The following ZHX1 variants were observed in gnomAD, a reference collection of about 807,000 sequenced individuals.
ZHX1 encodes zinc fingers and homeoboxes 1.
In ZHX1, 20 loss-of-function variants were observed where a neutral mutation model predicts 61.8. The observed-to-expected ratio is 0.32, with a 90% CI of 0.23 to 0.47. The LOEUF is 0.47. Ranked by LOEUF, ZHX1 falls within the 20% of genes least tolerant of loss-of-function variation. The pLI, the probability that ZHX1 is intolerant of heterozygous loss-of-function variation, is 1.00. For missense variants in ZHX1, 800 were observed against 1,034.8 expected, an observed-to-expected ratio of 0.77 and a Z score of 3.11; for synonymous variants, 318 against 352.6, an observed-to-expected ratio of 0.90 and a Z score of 1.10.
chr8:123,270,804 AT>A (rs1386791494), intron 1 of ZHX1, among the ~76,000 whole-genome samples: 4 of 151,590 alleles, frequency 2.6e-5, no homozygotes, highest in Admixed American at 1.3e-4. Flanking sequence ...AAAAAAAAAA[AT>A]GTATTCAACT....
chr8:123,248,919 A>C lies in ZHX1; in HGVS notation c.*1405T>G, dbSNP rs1167662751. 6.6e-6 allele frequency: 1 copy of C among 152,586 alleles called. No individual in the cohort carries two copies. Among genetic ancestry groups the C allele is most frequent in the Non-Finnish European group, 1.5e-5 (1 of 67,998 alleles). The allele number at this position is 152,586 out of a possible 1,614,324, so 9.5% of individuals were successfully genotyped here. Reference sequence around the variant, plus strand: ...CACAAAGCCAGCTGTCTGAGTGAGGAAATCAGCTACATTGCAGCATTTTGG... The same window carrying C: ...CACAAAGCCAGCTGTCTGAGTGAGGCAATCAGCTACATTGCAGCATTTTGG... On this transcript the variant is annotated 3_prime_UTR_variant, in exon 4 of 4. Transcript: ENST00000395571.
chr8:123,275,009 C>T (rs376361177), upstream of ZHX1, among the ~76,000 whole-genome samples: 2 of 152,160 alleles, frequency 1.3e-5, no homozygotes, highest in Non-Finnish European at 2.9e-5. Context: ...CTTCGGACCC[C>T]GCTCCTCCGC....
In ZHX1 at chr8:123,255,337, C is replaced by T. The variant is rs756439344; in HGVS notation, c.610G>A (p.Glu204Lys). The change falls in exon 3 of 4, where the codon GAG (glutamate) becomes AAG (lysine). Residue 204 changes from glutamate (E) to lysine (K), a missense_variant. By Grantham distance (56) the Glu-to-Lys change is moderately conservative. Coordinates refer to ENST00000395571, the MANE Select transcript of ZHX1 (RefSeq NM_007222.5). ...TTCTCTTTCTCTTCAGGAACGTCCT[C>T]AACTGAGTTATGATGAACTGCAATC... ...KRIAVHHNSV[E>K]DVPEEKENEI... 25 of 1,614,094 alleles carry T rather than the reference C, an allele frequency of 1.5e-5. No homozygotes were observed. Among genetic ancestry groups the T allele is most frequent in the Non-Finnish European group, 1.8e-5 (21 of 1,180,030 alleles).
chr8:123,267,497 A>G (rs887551616), intron 1 of ZHX1, 111 bp from the exon 2 acceptor site: 1 of 407,532 alleles, frequency 2.5e-6, no homozygotes, highest in Non-Finnish European at 4.3e-6. Context: ...TGAAAAAAAA[A>G]GTTTATTCCC....
intron 1 of ZHX1, 155 bp from the exon 2 acceptor site, chr8:123,267,541 A>G: frequency 2.7e-6 from 1 of 374,858 alleles, no homozygotes; most frequent in East Asian, 3.9e-5. Context: ...TTTAAATACC[A>G]ATCCTAATAT....
rs757913535 is a variant in ZHX1, at chr8:123,253,302, T to A, written c.*3+20A>T. The stretch of plus-strand genomic sequence containing the variant: ...GTGGTTGATGAACATATACGCAGAT[T>A]AAAAATTTTCTTAACTTACATTTCA... On this transcript the variant is annotated intron_variant, in intron 3 of 3. Coordinates refer to ENST00000395571, the MANE Select transcript of ZHX1 (RefSeq NM_007222.5). 12 of 1,565,916 alleles carry A rather than the reference T, an allele frequency of 7.7e-6. No individual in the cohort carries two copies. The highest frequency in any genetic ancestry group is 5.5e-5 in the Admixed American group (3 of 54,398).
chr8:123,272,187 A>G (rs1408745018), intron 1 of ZHX1, among the ~76,000 whole-genome samples: 2 of 152,258 alleles, frequency 1.3e-5, no homozygotes, highest in African/African-American at 4.8e-5. Context: ...AATCTCTATG[A>G]ATCATCACTA....
intron 2 of ZHX1, among the ~76,000 whole-genome samples, chr8:123,260,355 T>C (rs549668360): frequency 2.0e-5 from 3 of 152,032 alleles, no homozygotes; most frequent in Admixed American, 6.6e-5. Flanking sequence ...TCCTAGCACT[T>C]TGGGAGGCTG....
intron 1 of ZHX1, among the ~76,000 whole-genome samples, chr8:123,273,453 G>A (rs1000245260): frequency 1.1e-4 from 17 of 152,006 alleles, no homozygotes; most frequent in African/African-American, 3.9e-4. Flanking sequence ...ACACCCCCAC[G>A]CCCCTACCAT....
intron 3 of ZHX1, among the ~76,000 whole-genome samples, chr8:123,251,984 A>G (rs1297531651): frequency 2.6e-5 from 4 of 152,224 alleles, no homozygotes. Context: ...GTTAAAATAA[A>G]TAAAACCAGA....
In ZHX1 at chr8:123,267,315, G is replaced by C; in HGVS notation, c.-268C>G. 6.5e-7 allele frequency: 1 copy of C among 1,528,740 alleles called. No individual in the cohort carries two copies. The highest frequency in any genetic ancestry group is 8.8e-7 in the Non-Finnish European group (1 of 1,142,084). 94.7% of individuals were successfully genotyped at this position (1,528,740 alleles called of 1,614,324 possible). A position where few individuals can be genotyped will look rare whatever the true frequency, so the allele number is the denominator to read the frequency against. ...GCATTCTGTTCTTTGAAATGGAAGG[G>C]TATCCCTTCTAGTTAGATGTTTAGC... On this transcript the variant is annotated 5_prime_UTR_variant, in exon 2 of 4. Coordinates refer to ENST00000395571, the MANE Select transcript of ZHX1 (RefSeq NM_007222.5).
intron 2 of ZHX1, among the ~76,000 whole-genome samples, chr8:123,263,608 G>T (rs1826358147): frequency 6.6e-6 from 1 of 152,110 alleles, no homozygotes; most frequent in African/African-American, 2.4e-5. Flanking sequence ...AAAGTGGGCA[G>T]ATCAATTGAG....
chr8:123,270,801 A>C (rs1169639609), intron 1 of ZHX1, among the ~76,000 whole-genome samples: 1 of 151,972 alleles, frequency 6.6e-6, no homozygotes, highest in Non-Finnish European at 1.5e-5. Flanking sequence ...AAAAAAAAAA[A>C]AAATGTATTC....
chr8:123,274,915 G>A (rs565952642), upstream of ZHX1, among the ~76,000 whole-genome samples: 4 of 152,242 alleles, frequency 2.6e-5, no homozygotes, highest in South Asian at 2.1e-4. Flanking sequence ...GCCCCTCGGG[G>A]GGCTGCTGCG....
Position 123,253,634 on chromosome 8 carries a change from C to T in ZHX1, c.2313G>A (p.Arg771=). ...TTTTAAATTTTATGAGTGATGGTCC[C>T]CTGTCCCAGTTGTTAATTCTTTTGC... The part of the protein sequence containing the change: ...RGSKRINNWD[R]GPSLIKFKTG... The change falls in exon 3 of 4, where the codon AGG becomes AGA. Residue 771 remains arginine (R), a synonymous_variant. Transcript: ENST00000395571. The T allele has an allele frequency of 6.2e-7, 1 of 1,614,188 alleles. No individual in the cohort carries two copies. Among genetic ancestry groups the T allele is most frequent in the Non-Finnish European group, 8.5e-7 (1 of 1,180,014 alleles).
In ZHX1 at chr8:123,260,427, C is replaced by T. The variant is rs375559747; in HGVS notation, c.-225-4256G>A. Among the ~76,000 whole-genome samples the T allele has an allele frequency of 1.4e-3, 213 of 151,328 alleles. 1 individual carries two copies. In the South Asian group the frequency reaches 0.02, roughly 14 times the overall value. The stretch of plus-strand genomic sequence containing the variant: ...CAGGCTGGCCAACATGGTGAAATCC[C>T]GTCTCTACTAAAAATATAAAAGTTA... On this transcript the variant is annotated intron_variant, in intron 2 of 3. Coordinates refer to ENST00000395571, the MANE Select transcript of ZHX1 (RefSeq NM_007222.5).
chr8:123,257,062 G>A (rs1826093337), intron 2 of ZHX1: 1 of 152,074 alleles, frequency 6.6e-6, no homozygotes, highest in African/African-American at 2.4e-5. Context: ...GGGATTACAG[G>A]CGCTTGCCAC....
At chr8:123,256,377 G>A (rs909635473) in intron 2 of ZHX1, among the ~76,000 whole-genome samples, 3 of 151,990 alleles carry the variant, frequency 2.0e-5, no homozygotes, top group South Asian at 2.1e-4. Context: ...CTTTACCTTG[G>A]GTCAGACACA....
At chr8:123,259,695 G>C (rs1826187490) in intron 2 of ZHX1, among the ~76,000 whole-genome samples, 1 of 152,220 alleles carries the variant, frequency 6.6e-6, no homozygotes, top group Admixed American at 6.5e-5. Context: ...TACTTTCCTG[G>C]AATCTGAGAG....
Sources: gnomAD v4.1 joint callset for allele counts (sites outside exome capture counted in the v4.1 genomes callset) on GRCh38, gnomAD v4.1.1 for gene constraint, MANE v1.5 for transcripts, NCBI Gene and HGNC (gene_info 2026-07-23, HGNC 2026-07-21) for gene names.